SH2D4B: variants seen among roughly 807,000 people sequenced by gnomAD.
SH2D4B encodes SH2 domain containing 4B.
Under a neutral mutation model 61.5 loss-of-function variants are expected in SH2D4B, and 45 were observed. The ratio of observed to expected loss-of-function variants is 0.73; its 90% CI spans 0.58 to 0.94. The LOEUF (loss-of-function observed/expected upper bound fraction) is 0.94. Ranked by LOEUF, SH2D4B falls within the 40% of genes least tolerant of loss-of-function variation. The pLI, the probability that SH2D4B is intolerant of heterozygous loss-of-function variation, is 0.00. For missense variants in SH2D4B, 572 were observed against 574.2 expected, an observed-to-expected ratio of 1.00 and a Z score of 0.04; for synonymous variants, 224 against 220.4, an observed-to-expected ratio of 1.02 and a Z score of -0.14.
At chr10:80,616,325 A>C (rs895226024) in intron 6 of SH2D4B, among the ~76,000 whole-genome samples, 4 of 152,184 alleles carry the variant, frequency 2.6e-5, no homozygotes, top group South Asian at 2.1e-4. Context: ...AAACTTTCTA[A>C]AGGAGAAAAA....
intron 1 of SH2D4B, among the ~76,000 whole-genome samples, chr10:80,568,969 C>CTCT (rs1311927741): frequency 2.0e-5 from 3 of 152,232 alleles, no homozygotes; most frequent in African/African-American, 7.2e-5. Flanking sequence ...TAACATGGAT[C>CTCT]TCTAGCCTGT....
chr10:80,582,687 A>G (rs1842196424), intron 3 of SH2D4B, among the ~76,000 whole-genome samples: 1 of 152,170 alleles, frequency 6.6e-6, no homozygotes, highest in Non-Finnish European at 1.5e-5. Flanking sequence ...TGCCCTTACC[A>G]TTCCTGGGGG....
intron 1 of SH2D4B, among the ~76,000 whole-genome samples, chr10:80,561,449 A>G (rs931560083): frequency 6.6e-6 from 1 of 152,220 alleles, no homozygotes; most frequent in African/African-American, 2.4e-5. Flanking sequence ...CAATGAACCA[A>G]TATTCTCTAA....
chr10:80,573,205 C>G (rs1842084931), intron 3 of SH2D4B, among the ~76,000 whole-genome samples: 1 of 148,556 alleles, frequency 6.7e-6, no homozygotes, highest in Non-Finnish European at 1.5e-5. Context: ...CCAGGATGGT[C>G]TCGATCTCCT....
chr10:80,541,695 G>C (rs974308627), intron 1 of SH2D4B, among the ~76,000 whole-genome samples: 1 of 152,196 alleles, frequency 6.6e-6, no homozygotes, highest in African/African-American at 2.4e-5. Context: ...GCAGGACAAG[G>C]TGTGCCTTGT....
At chr10:80,572,324 A>G (rs1183915705) in intron 3 of SH2D4B, among the ~76,000 whole-genome samples, 2 of 152,180 alleles carry the variant, frequency 1.3e-5, no homozygotes, top group African/African-American at 4.8e-5. Flanking sequence ...GTGGTCTAGG[A>G]TAAAGAGTTA....
chr10:80,555,872 GC>G (rs1163661232), intron 1 of SH2D4B, among the ~76,000 whole-genome samples: 1 of 152,198 alleles, frequency 6.6e-6, no homozygotes, highest in African/African-American at 2.4e-5. Flanking sequence ...GCGTGTTCGT[GC>G]CATATTAGTG....
At chr10:80,564,721 A>T (rs1841944241) in intron 1 of SH2D4B, among the ~76,000 whole-genome samples, 1 of 152,226 alleles carries the variant, frequency 6.6e-6, no homozygotes. Context: ...TGAGTGTCTA[A>T]TAAGCATGTC....
At chr10:80,633,200 C>T (rs967178017) in intron 6 of SH2D4B, among the ~76,000 whole-genome samples, 9 of 151,784 alleles carry the variant, frequency 5.9e-5, no homozygotes, top group African/African-American at 2.2e-4. Flanking sequence ...AGATGGGCAG[C>T]CCAGCCACTC....
chr10:80,538,752 G>T lies in SH2D4B; in HGVS notation c.184+237G>T, dbSNP rs1841540364. Among the ~76,000 whole-genome samples, 1 of 152,200 alleles carries T rather than the reference G, an allele frequency of 6.6e-6. No individual in the cohort carries two copies. Among genetic ancestry groups the T allele is most frequent in the African/African-American group, 2.4e-5 (1 of 41,462 alleles). On this transcript the variant is annotated intron_variant, in intron 1 of 7. Transcript: ENST00000646907. The surrounding 1 kb of genome is among the most constrained non-coding windows in gnomAD (Gnocchi z 4.8). The stretch of plus-strand genomic sequence containing the variant: ...GTCCAGCGGCCCTTATTGGAGTCGG[G>T]GAGTTGGGACTTGCTTTGTCTTGTT...
chr10:80,582,020 A>T (rs1842190345), intron 3 of SH2D4B, among the ~76,000 whole-genome samples: 1 of 152,212 alleles, frequency 6.6e-6, no homozygotes, highest in African/African-American at 2.4e-5. Flanking sequence ...TTCAATGATT[A>T]ATTTTTTAAT....
chr10:80,541,519 C>T (rs1225784798), intron 1 of SH2D4B, among the ~76,000 whole-genome samples: 1 of 152,112 alleles, frequency 6.6e-6, no homozygotes, highest in African/African-American at 2.4e-5. Flanking sequence ...GTGGGTTAGT[C>T]CTGGTCAGCC....
At chr10:80,560,932 A>T (rs143310559) in intron 1 of SH2D4B, among the ~76,000 whole-genome samples, 1 of 152,192 alleles carries the variant, frequency 6.6e-6, no homozygotes, top group Non-Finnish European at 1.5e-5. Context: ...GGTGGTAGTC[A>T]TTGTATTTTT....
chr10:80,588,790 T>G lies in SH2D4B; in HGVS notation c.643+13T>G. 1 of 1,613,570 alleles carries G rather than the reference T, an allele frequency of 6.2e-7. No homozygotes were observed. The highest frequency in any genetic ancestry group is 1.1e-5 in the South Asian group (1 of 91,064). On this transcript the variant is annotated intron_variant, in intron 4 of 7. Coordinates refer to ENST00000646907, the MANE Select transcript of SH2D4B (RefSeq NM_001388272.1). ...TGGGAAGAACAGTGTGAGTAGAGCT[T>G]GTGCCTCAGGCAGGGAGACCAGTCC...
At chr10:80,552,249 C>T (rs566736311) in intron 1 of SH2D4B, among the ~76,000 whole-genome samples, 1 of 152,310 alleles carries the variant, frequency 6.6e-6, no homozygotes, top group East Asian at 1.9e-4. Context: ...AGTGGACCAG[C>T]AGGGAGCCTG....
chr10:80,619,593 C>T (rs1415403265), intron 6 of SH2D4B, among the ~76,000 whole-genome samples: 2 of 152,254 alleles, frequency 1.3e-5, no homozygotes, highest in East Asian at 1.9e-4. Flanking sequence ...GACCCTTGGA[C>T]TTTGTGGCTT....
chr10:80,621,603 C>T (rs1203320781), intron 6 of SH2D4B, among the ~76,000 whole-genome samples: 2 of 152,172 alleles, frequency 1.3e-5, no homozygotes, highest in African/African-American at 4.8e-5. Flanking sequence ...CATTTGCCTT[C>T]GTCAAATGTC....
At chr10:80,608,170 C>T (rs1200038431) in intron 5 of SH2D4B, among the ~76,000 whole-genome samples, 1 of 152,162 alleles carries the variant, frequency 6.6e-6, no homozygotes, top group Admixed American at 6.5e-5. Flanking sequence ...TCAATTTGCT[C>T]TGGAAATGGC....
At chr10:80,635,396 G>T (rs1029050485) in intron 7 of SH2D4B, among the ~76,000 whole-genome samples, 21 of 152,320 alleles carry the variant, frequency 1.4e-4, no homozygotes, top group African/African-American at 4.8e-4. Flanking sequence ...ACCAAGCTTT[G>T]TGGGTGTAGA....
Sources: gnomAD v4.1 joint callset for allele counts (sites outside exome capture counted in the v4.1 genomes callset) on GRCh38, gnomAD v4.1.1 for gene constraint, Gnocchi (gnomAD v3.1) non-coding constraint, MANE v1.5 for transcripts, NCBI Gene and HGNC (gene_info 2026-07-23, HGNC 2026-07-21) for gene names.